The following TNIK variants were observed in gnomAD, a reference collection of about 807,000 sequenced individuals.
The protein encoded by TNIK is TRAF2 and NCK-interacting protein kinase.
In TNIK, 49 loss-of-function variants were observed where a neutral mutation model predicts 191.3. That is an observed-to-expected ratio of 0.26 (90% confidence interval 0.20 to 0.32). The LOEUF is 0.32. Ranked by LOEUF, TNIK falls within the 10% of genes least tolerant of loss-of-function variation. The pLI is 1.00. For synonymous variants in TNIK, 594 were observed against 600.9 expected (o/e 0.99, Z 0.17); for missense variants, 1,155 against 1,702.3 (o/e 0.68, Z 5.66).
Position 171,061,284 on chromosome 3 carries a change from G to T in TNIK, c.*2597C>A, listed in dbSNP as rs1357863626. On this transcript the variant is annotated 3_prime_UTR_variant, in exon 33 of 33. Coordinates refer to ENST00000436636, the MANE Select transcript of TNIK (RefSeq NM_015028.4). ...ATTTCTGGGGGGCCCATTTAAATTT[G>T]GATTTGCCTTGTACTCAGTGTAAAA... The T allele has an allele frequency of 6.6e-6, 1 of 152,114 alleles. No homozygotes were observed. The highest frequency in any genetic ancestry group is 1.5e-5 in the Non-Finnish European group (1 of 68,022). 9.4% of individuals were successfully genotyped at this position (152,114 alleles called of 1,614,324 possible). A position where few individuals can be genotyped will look rare whatever the true frequency, so the allele number is the denominator to read the frequency against.
chr3:171,208,351 A>AG (rs1232030689), intron 4 of TNIK, among the ~76,000 whole-genome samples: 1 of 152,052 alleles, frequency 6.6e-6, no homozygotes, highest in African/African-American at 2.4e-5. Context: ...GAAAGATTAG[A>AG]GAAAAAAAAA....
At chr3:171,449,067 G>C (rs1727863628) in intron 1 of TNIK, among the ~76,000 whole-genome samples, 1 of 152,024 alleles carries the variant, frequency 6.6e-6, no homozygotes, top group African/African-American at 2.4e-5. Context: ...CCATGTCCCT[G>C]CAAAGGACAT....
intron 1 of TNIK, among the ~76,000 whole-genome samples, chr3:171,392,300 G>C (rs975979238): frequency 1.3e-5 from 2 of 152,110 alleles, no homozygotes; most frequent in Non-Finnish European, 2.9e-5. Context: ...TGAAAAGGGT[G>C]ATTCCAGAAA....
chr3:171,308,074 A>T (rs1026128432), intron 2 of TNIK, among the ~76,000 whole-genome samples: 2 of 152,176 alleles, frequency 1.3e-5, no homozygotes, highest in Non-Finnish European at 2.9e-5. Flanking sequence ...AGAAAAAACT[A>T]TTATAAAATT....
chr3:171,175,225 C>T (rs376290046), intron 9 of TNIK, 27 bp downstream of exon 9: 2 of 1,603,838 alleles, frequency 1.2e-6, no homozygotes, highest in Admixed American at 1.7e-5. Flanking sequence ...ACCCTTAGAT[C>T]TGCGAAACAT....
intron 12 of TNIK, among the ~76,000 whole-genome samples, chr3:171,148,480 C>T (rs182541541): frequency 6.6e-5 from 10 of 152,270 alleles, no homozygotes; most frequent in South Asian, 2.1e-4. Flanking sequence ...CTAGTACCTA[C>T]GACTCTGAAT....
chr3:171,376,750 A>AGATAGATAGATAGATAGATAGATAGAT (rs1553765170), intron 1 of TNIK, among the ~76,000 whole-genome samples: 199 of 69,948 alleles, frequency 2.8e-3, no homozygotes, highest in African/African-American at 7.9e-3. Context: ...GATAGATGAT[A>AGATAGATAGATAGATAGATAGATAGAT]GATAGATAGA....
rs1282316503 is a variant in TNIK, at chr3:171,061,198, T to A, written c.*2683A>T. On this transcript the variant is annotated 3_prime_UTR_variant, in exon 33 of 33. Transcript: ENST00000436636. ...GGGGTCTGTCTTGCTGGAGGAAAAT[T>A]TATTTTTGAAGATAAAAGCTTCAGT... 6.6e-6 allele frequency: 1 copy of A among 152,162 alleles called. No homozygotes were observed. The highest frequency in any genetic ancestry group is 2.4e-5 in the African/African-American group (1 of 41,436). The allele number at this position is 152,162 out of a possible 1,614,324, so 9.4% of individuals were successfully genotyped here.
intron 2 of TNIK, among the ~76,000 whole-genome samples, chr3:171,238,152 G>A (rs1744529461): frequency 1.3e-5 from 2 of 152,062 alleles, no homozygotes; most frequent in South Asian, 4.1e-4. Context: ...AGGAGGGTGA[G>A]AGGACAAAAA....
At chr3:171,423,759 C>T (rs1724150526) in intron 1 of TNIK, among the ~76,000 whole-genome samples, 4 of 152,148 alleles carry the variant, frequency 2.6e-5, no homozygotes, top group Admixed American at 6.5e-5. Flanking sequence ...ATAAATGGCG[C>T]TGGGAAAACT....
chr3:171,131,254 C>T (rs1227089513), intron 15 of TNIK, among the ~76,000 whole-genome samples: 4 of 135,758 alleles, frequency 2.9e-5, no homozygotes, highest in Non-Finnish European at 4.6e-5. Flanking sequence ...AGGAGAATGG[C>T]GTGAACCCGG....
chr3:171,314,497 C>A (rs2108311307), intron 2 of TNIK, among the ~76,000 whole-genome samples: 1 of 152,298 alleles, frequency 6.6e-6, no homozygotes, highest in Non-Finnish European at 1.5e-5. Context: ...TGTCTAAAGA[C>A]TCACTGTGGT....
intron 1 of TNIK, among the ~76,000 whole-genome samples, chr3:171,380,721 A>G (rs1054847927): frequency 7.2e-5 from 11 of 152,214 alleles, no homozygotes; most frequent in African/African-American, 2.4e-4. Flanking sequence ...TGCAGAGGGA[A>G]CCTCTGATGA....
Position 171,063,121 on chromosome 3 carries a change from A to T in TNIK, c.*760T>A, listed in dbSNP as rs902962052. 2 of 151,954 alleles carry T rather than the reference A, an allele frequency of 1.3e-5. No homozygotes were observed. The highest frequency in any genetic ancestry group is 2.9e-5 in the Non-Finnish European group (2 of 68,006). The allele number at this position is 151,954 out of a possible 1,614,324, so 9.4% of individuals were successfully genotyped here. A position where few individuals can be genotyped will look rare whatever the true frequency, so the allele number is the denominator to read the frequency against. On this transcript the variant is annotated 3_prime_UTR_variant, in exon 33 of 33. Transcript: ENST00000436636. The stretch of plus-strand genomic sequence containing the variant: ...ATGGCGTTAGTATCCTGTTCAACAC[A>T]CTCCATTCTGTAAAGGGCCATATAA...
At chr3:171,166,098 C>T (rs1276722959) in intron 10 of TNIK, among the ~76,000 whole-genome samples, 3 of 152,098 alleles carry the variant, frequency 2.0e-5, no homozygotes, top group South Asian at 2.1e-4. Context: ...GATACCATAC[C>T]GATGATTATG....
intron 2 of TNIK, among the ~76,000 whole-genome samples, chr3:171,316,775 G>C (rs1192044241): frequency 6.6e-6 from 1 of 151,854 alleles, no homozygotes; most frequent in Non-Finnish European, 1.5e-5. Context: ...CCTCCTGCCT[G>C]AATGATAGTT....
chr3:171,196,976 C>A (rs1046651067), intron 4 of TNIK, among the ~76,000 whole-genome samples: 1 of 152,100 alleles, frequency 6.6e-6, no homozygotes, highest in African/African-American at 2.4e-5. Context: ...GGGATGGTCT[C>A]GATCTCCTGA....
rs879578244 is a variant in TNIK, at chr3:171,438,241, C to A, written c.57+21766G>T. On this transcript the variant is annotated intron_variant, in intron 1 of 32. Coordinates refer to ENST00000436636, the MANE Select transcript of TNIK (RefSeq NM_015028.4). ...CTCTCAGTTTCTTCCCCTTGCATAG[C>A]ACCTAGGAGGTTTCTAACAATGCAA... Among the ~76,000 whole-genome samples the A allele has an allele frequency of 1.4e-3, 208 of 151,874 alleles. 5 individuals are homozygous for A. Among genetic ancestry groups the A allele is most frequent in the Admixed American group, 0.014 (206 of 15,210 alleles).
At chr3:171,364,982 G>A (rs979081786) in intron 2 of TNIK, among the ~76,000 whole-genome samples, 5 of 151,828 alleles carry the variant, frequency 3.3e-5, no homozygotes, top group Non-Finnish European at 7.4e-5. Context: ...CATAAAACAC[G>A]ACTTTTAGTG....
Sources: gnomAD v4.1 joint callset for allele counts (sites outside exome capture counted in the v4.1 genomes callset) on GRCh38, gnomAD v4.1.1 for gene constraint, MANE v1.5 for transcripts, NCBI Gene and HGNC (gene_info 2026-07-23, HGNC 2026-07-21) for gene names.